MYBPC3: variants seen among roughly 807,000 people sequenced by gnomAD.
The protein encoded by MYBPC3 is myosin binding protein C3, also known as myosin-binding protein C, cardiac-type.
MYBPC3 carries 108 observed loss-of-function variants against 159.3 expected under a neutral mutation model. The observed-to-expected ratio is 0.68, with a 90% CI of 0.58 to 0.80. The LOEUF (loss-of-function observed/expected upper bound fraction) is 0.80. MYBPC3 is among the 30% of genes least tolerant of loss of function. MYBPC3 has a pLI of 0.00. For synonymous variants in MYBPC3, 730 were observed against 702.0 expected, an observed-to-expected ratio of 1.04 and a Z score of -0.63; for missense variants, 1,631 against 1,762.1, an observed-to-expected ratio of 0.93 and a Z score of 1.33.
chr11:47,346,228 G>A lies in MYBPC3; in HGVS notation c.1069C>T (p.Arg357Cys), dbSNP rs1476576625. The change falls in exon 12 of 35, where the codon CGC (arginine) becomes TGC (cysteine). Residue 357 changes from arginine to cysteine, a missense_variant. Physicochemically the swap from Arg to Cys is radical, Grantham distance 180. Transcript: ENST00000545968. The surrounding 1 kb of genome is among the most constrained non-coding windows in gnomAD (Gnocchi z 5.3). ...GMLKRLKGMR[R>C]DEKKSTAFQK... ...TAACCTGTGCTCTTCTTCTCATCGC[G>A]CCTCATGCCCTTGAGCCTCTTTAGC... The A allele has an allele frequency of 1.9e-6, 3 of 1,613,888 alleles. No homozygotes were observed. Among genetic ancestry groups the A allele is most frequent in the Admixed American group, 1.7e-5 (1 of 60,004 alleles).
At position 47,351,294 on chromosome 11, in the gene MYBPC3, G is replaced by GT. The variant is rs1057517939; in HGVS notation, c.236dup (p.Tyr79Ter). The GT allele has an allele frequency of 6.4e-7, 1 of 1,570,746 alleles. No homozygotes were observed. Among genetic ancestry groups the GT allele is most frequent in the Non-Finnish European group, 8.6e-7 (1 of 1,156,834 alleles). The stretch of plus-strand genomic sequence containing the variant: ...CCTTGGAGGAGCCAGCAATGACTGC[G>GT]TAAGATCCCTGGTCGGCAGGGCCCA... ...REVGPADQGS[Y>*]AVIAGSSKVK... is the part of the protein sequence containing the mutation. Residue 79 changes from tyrosine to a stop codon, truncating the protein, a stop_gained and frameshift_variant, in exon 2 of 35, where the codon TAC becomes TAAC. Coordinates refer to ENST00000545968, the MANE Select transcript of MYBPC3 (RefSeq NM_000256.3). LOFTEE classifies it high-confidence loss of function. The surrounding 1 kb of genome is among the most constrained non-coding windows in gnomAD (Gnocchi z 4.2).
chr11:47,346,229 C>T lies in MYBPC3; in HGVS notation c.1068G>A (p.Arg356=), dbSNP rs2095893922. The change falls in exon 12 of 35, where the codon AGG becomes AGA. Residue 356 remains arginine, a synonymous_variant. Transcript: ENST00000545968. This position sits in a 1 kb window ranked among gnomAD's most constrained non-coding sequence, Gnocchi z 5.3. ...RGMLKRLKGM[R]RDEKKSTAFQ... ...AACCTGTGCTCTTCTTCTCATCGCG[C>T]CTCATGCCCTTGAGCCTCTTTAGCA... 3.7e-6 allele frequency: 6 copies of T among 1,613,940 alleles called. No homozygotes were observed. The East Asian group carries it at 1.3e-4, about 36-fold the overall frequency.
chr11:47,338,723 G>A lies in MYBPC3; in HGVS notation c.2149-44C>T. ...GGGGTGAGATCCAAGTCAGACCCCAGAGGCCCTTGCAGCCTCCGCCAACAG... is the reference window on the plus strand; with the variant it reads ...GGGGTGAGATCCAAGTCAGACCCCAAAGGCCCTTGCAGCCTCCGCCAACAG... On this transcript the variant is annotated intron_variant, in intron 22 of 34. Coordinates refer to ENST00000545968, the MANE Select transcript of MYBPC3 (RefSeq NM_000256.3). This position sits in a 1 kb window ranked among gnomAD's most constrained non-coding sequence, Gnocchi z 4.7. The A allele has an allele frequency of 1.3e-6, 2 of 1,559,734 alleles. No individual in the cohort carries two copies. The highest frequency in any genetic ancestry group is 1.7e-6 in the Non-Finnish European group (2 of 1,152,200).
At position 47,332,079 on chromosome 11, in the gene MYBPC3, C is replaced by T; in HGVS notation, c.3807G>A (p.Glu1269=). ...GCCCCGAGGGCTCCTCACCTCGCAC[C>T]TCCAGGCGGCACTCACACCGTGCCT... The part of the protein sequence containing the change: ...QGEARCECRL[E]VRVPQ Residue 1269 remains glutamate, a synonymous_variant, in exon 33 of 35, where the codon GAG becomes GAA. Transcript: ENST00000545968. The surrounding 1 kb of genome is among the most constrained non-coding windows in gnomAD (Gnocchi z 4.2). 4 of 1,609,982 alleles carry T rather than the reference C, an allele frequency of 2.5e-6. No individual in the cohort carries two copies. The highest frequency in any genetic ancestry group is 1.1e-5 in the South Asian group (1 of 90,928).
chr11:47,340,950 G>T, intron 20 of MYBPC3, 53 bp downstream of exon 20: 9 of 1,485,712 alleles, frequency 6.1e-6, no homozygotes, highest in South Asian at 1.4e-5. Flanking sequence ...GGCCTGCGTG[G>T]GTGGGTTGCG....
chr11:47,348,928 T>TATATATATATATATA (rs1424143680), intron 5 of MYBPC3, among the ~76,000 whole-genome samples: 16 of 9,896 alleles, frequency 1.6e-3, no homozygotes, highest in South Asian at 4.7e-3. Context: ...ATATATATAT[T>TATATATATATATATA]TAAAGGAGGC....
intron 30 of MYBPC3, 107 bp downstream of exon 30, chr11:47,333,087 C>G: frequency 6.6e-7 from 1 of 1,521,960 alleles, no homozygotes; most frequent in Non-Finnish European, 8.9e-7. Context: ...TTCAGATCAG[C>G]AGAGGGAGGG....
chr11:47,337,347 AC>A, intron 25 of MYBPC3, 43 bp downstream of exon 25: 1 of 1,501,202 alleles, frequency 6.7e-7, no homozygotes. Flanking sequence ...GAGGTTTTTA[AC>A]TGGGGAGGGG....
chr11:47,345,742 G>T (rs1038539789), intron 12 of MYBPC3, among the ~76,000 whole-genome samples: 2 of 152,300 alleles, frequency 1.3e-5, no homozygotes, highest in Admixed American at 1.3e-4. Context: ...GATTAGCCAG[G>T]CTCTTTTCTT....
At position 47,332,443 on chromosome 11, in the gene MYBPC3, C is replaced by T. The variant is rs1412852014; in HGVS notation, c.3627+123G>A. 11 of 1,474,446 alleles carry T rather than the reference C, an allele frequency of 7.5e-6. No homozygotes were observed. The highest frequency in any genetic ancestry group is 4.6e-5 in the East Asian group (2 of 43,438). The allele number at this position is 1,474,446 out of a possible 1,614,324, so 91.3% of individuals were successfully genotyped here. The stretch of plus-strand genomic sequence containing the variant: ...ATGGCCCTGCCCAGGGGGAGGAACC[C>T]GGTCCATACACCCCAAGGTGGAGAG... On this transcript the variant is annotated intron_variant, in intron 32 of 34. Transcript: ENST00000545968. The surrounding 1 kb of genome is among the most constrained non-coding windows in gnomAD (Gnocchi z 4.2).
chr11:47,340,282 C>CATATATACAT, intron 20 of MYBPC3, among the ~76,000 whole-genome samples: 1 of 152,144 alleles, frequency 6.6e-6, no homozygotes, highest in Non-Finnish European at 1.5e-5. Context: ...CACATGCACA[C>CATATATACAT]ACACACACGC....
At chr11:47,343,645 C>T in intron 12 of MYBPC3, 21 bp from the exon 13 acceptor site, 2 of 1,592,096 alleles carry the variant, frequency 1.3e-6, no homozygotes, top group Admixed American at 1.7e-5. Context: ...CCCCTCAGCC[C>T]CGGCCACCCC....
intron 12 of MYBPC3, among the ~76,000 whole-genome samples, chr11:47,345,393 G>C (rs2095893113): frequency 1.3e-5 from 2 of 152,236 alleles, no homozygotes; most frequent in Admixed American, 6.5e-5. Context: ...GGGCCTGGGG[G>C]AGGTCAGCAG....
intron 34 of MYBPC3, 48 bp downstream of exon 34, chr11:47,331,797 C>T (rs2095876003): frequency 2.6e-6 from 4 of 1,555,722 alleles, no homozygotes; most frequent in Non-Finnish European, 3.5e-6. Flanking sequence ...GGACCAAGGG[C>T]CAGGGCTCAG....
chr11:47,341,202 C>A lies in MYBPC3; in HGVS notation c.1833G>T (p.Glu611Asp). ...LTIDDVTPAD[E>D]ADYSFVPEGF... is the part of the protein sequence containing the mutation. Reference sequence around the variant, plus strand: ...CCTCGGGCACAAAGCTGTAGTCAGCCTCGTCGGCAGGTGTGACGTCGTCAA... The same window carrying A: ...CCTCGGGCACAAAGCTGTAGTCAGCATCGTCGGCAGGTGTGACGTCGTCAA... The change falls in exon 19 of 35, where the codon GAG becomes GAT. Residue 611 changes from glutamate (E) to aspartate (D), a missense_variant. Glu to Asp is a conservative substitution (Grantham distance 45). Transcript: ENST00000545968. The A allele has an allele frequency of 1.9e-6, 3 of 1,596,300 alleles. No individual in the cohort carries two copies. Among genetic ancestry groups the A allele is most frequent in the Admixed American group, 1.7e-5 (1 of 57,622 alleles).
At chr11:47,350,256 C>T (rs2095899270) in intron 3 of MYBPC3, 144 bp from the exon 4 acceptor site, 2 of 1,184,444 alleles carry the variant, frequency 1.7e-6, no homozygotes, top group Non-Finnish European at 2.4e-6. Context: ...CCCAAGTTAG[C>T]TGGGACCGCA....
chr11:47,351,167 A>G lies in MYBPC3; in HGVS notation c.292+72T>C. 1 of 1,439,364 alleles carries G rather than the reference A, an allele frequency of 6.9e-7. No homozygotes were observed. The highest frequency in any genetic ancestry group is 9.2e-7 in the Non-Finnish European group (1 of 1,087,780). The allele number at this position is 1,439,364 out of a possible 1,614,324, so 89.2% of individuals were successfully genotyped here. A position where few individuals can be genotyped will look rare whatever the true frequency, so the allele number is the denominator to read the frequency against. ...TGTGAAAGCACCTCCTGTTCCCTGGATGGATGGAGAGTCGCTGGGCTGCCC... is the reference window on the plus strand; with the variant it reads ...TGTGAAAGCACCTCCTGTTCCCTGGGTGGATGGAGAGTCGCTGGGCTGCCC... On this transcript the variant is annotated intron_variant, in intron 2 of 34. Transcript: ENST00000545968. The surrounding 1 kb of genome is among the most constrained non-coding windows in gnomAD (Gnocchi z 4.2).
At position 47,332,096 on chromosome 11, in the gene MYBPC3, A is replaced by G. The variant is rs2142849221; in HGVS notation, c.3790T>C (p.Cys1264Arg). 1 of 1,612,062 alleles carries G rather than the reference A, an allele frequency of 6.2e-7. No individual in the cohort carries two copies. The highest frequency in any genetic ancestry group is 8.5e-7 in the Non-Finnish European group (1 of 1,178,844). ...RATNLQGEAR[C>R]ECRLEVRVPQ ...CCTCGCACCTCCAGGCGGCACTCAC[A>G]CCGTGCCTCGCCCTGTAAGTTGGTG... Residue 1264 changes from cysteine (C) to arginine (R), a missense_variant, in exon 33 of 35, where the codon TGT (cysteine) becomes CGT (arginine). By Grantham distance (180) the Cys-to-Arg change is radical. Coordinates refer to ENST00000545968, the MANE Select transcript of MYBPC3 (RefSeq NM_000256.3). This position sits in a 1 kb window ranked among gnomAD's most constrained non-coding sequence, Gnocchi z 4.2.
chr11:47,332,935 G>A lies in MYBPC3; in HGVS notation c.3369C>T (p.His1123=). 1 of 1,611,002 alleles carries A rather than the reference G, an allele frequency of 6.2e-7. No homozygotes were observed. The highest frequency in any genetic ancestry group is 8.5e-7 in the Non-Finnish European group (1 of 1,178,832). ...CAATGATGAGCTCTGGCACCACGCA[G>A]TGGGTGCGGCGGTAATGCTCCAAGA... ...FTVLEHYRRT[H]CVVPELIIGN... Residue 1123 remains histidine (H), a synonymous_variant, in exon 31 of 35, where the codon CAC becomes CAT. Transcript: ENST00000545968. This position sits in a 1 kb window ranked among gnomAD's most constrained non-coding sequence, Gnocchi z 4.2.
Sources: gnomAD v4.1 joint callset for allele counts (sites outside exome capture counted in the v4.1 genomes callset) on GRCh38, gnomAD v4.1.1 for gene constraint, Gnocchi (gnomAD v3.1) non-coding constraint, MANE v1.5 for transcripts, NCBI Gene and HGNC (gene_info 2026-07-23, HGNC 2026-07-21) for gene names.